Variants in ASAP2 observed in about 807,000 individuals in gnomAD.
ASAP2 encodes arf-GAP with SH3 domain, ANK repeat and PH domain-containing protein 2.
Under a neutral mutation model 131.4 loss-of-function variants are expected in ASAP2, and 45 were observed. The observed-to-expected ratio is 0.34, with a 90% CI of 0.27 to 0.44. ASAP2 has a LOEUF of 0.44. Ranked by LOEUF, ASAP2 falls within the 20% of genes least tolerant of loss-of-function variation. The pLI, the probability that ASAP2 is intolerant of heterozygous loss-of-function variation, is 1.00. For synonymous variants in ASAP2, 510 were observed against 503.0 expected, an observed-to-expected ratio of 1.01 and a Z score of -0.19; for missense variants, 1,011 against 1,297.0, an observed-to-expected ratio of 0.78 and a Z score of 3.39.
At chr2:9,380,542 T>C (rs191100826) in intron 19 of ASAP2, among the ~76,000 whole-genome samples, 199 bp from the exon 20 acceptor site, 4 of 152,228 alleles carry the variant, frequency 2.6e-5, no homozygotes, top group African/African-American at 7.2e-5. Context: ...TTTAAAGTTT[T>C]ACCTTCTGTA....
At chr2:9,297,475 G>T in intron 3 of ASAP2, 30 bp downstream of exon 3, 2 of 1,611,400 alleles carry the variant, frequency 1.2e-6, no homozygotes, top group Non-Finnish European at 1.7e-6. Flanking sequence ...AAATGCTGCG[G>T]TTACTTCAGT....
At position 9,374,745 on chromosome 2, in the gene ASAP2, T is replaced by C. The variant is rs977090625; in HGVS notation, c.1557-10T>C. 3 of 1,583,940 alleles carry C rather than the reference T, an allele frequency of 1.9e-6. No homozygotes were observed. The highest frequency in any genetic ancestry group is 2.6e-6 in the Non-Finnish European group (3 of 1,165,216). ...TTCATGATTTGCAAGGCAATTACGT[T>C]TGGTTTCAGGAATGCAAGAAAGGAC... is the stretch of plus-strand genomic sequence containing the variant. On this transcript the variant is annotated splice_polypyrimidine_tract_variant and intron_variant, in intron 16 of 27. Transcript: ENST00000281419.
intron 1 of ASAP2, among the ~76,000 whole-genome samples, chr2:9,258,304 C>A (rs1428736345): frequency 1.4e-5 from 2 of 143,240 alleles, no homozygotes; most frequent in African/African-American, 2.6e-5. Context: ...GAAATAAATG[C>A]TATTCACAGT....
chr2:9,366,153 C>T (rs1379002821), intron 15 of ASAP2, among the ~76,000 whole-genome samples: 3 of 152,066 alleles, frequency 2.0e-5, no homozygotes, highest in African/African-American at 4.8e-5. Context: ...TGGGCTGAAA[C>T]GTAAACTGGA....
At chr2:9,381,278 C>G (rs560182921) in intron 20 of ASAP2, among the ~76,000 whole-genome samples, 27 of 152,360 alleles carry the variant, frequency 1.8e-4, no homozygotes, top group African/African-American at 6.5e-4. Context: ...CCCACCAGGC[C>G]AGGCAGCCCT....
At position 9,217,837 on chromosome 2, in the gene ASAP2, A is replaced by C. The variant is rs1260931722; in HGVS notation, c.126+10607A>C. Among the ~76,000 whole-genome samples the C allele has an allele frequency of 6.7e-6, 1 of 149,932 alleles. No homozygotes were observed. The highest frequency in any genetic ancestry group is 1.5e-5 in the Non-Finnish European group (1 of 67,752). On this transcript the variant is annotated intron_variant, in intron 1 of 27. Coordinates refer to ENST00000281419, the MANE Select transcript of ASAP2 (RefSeq NM_003887.3). The surrounding 1 kb of genome is among the most constrained non-coding windows in gnomAD (Gnocchi z 4.0). ...CACTGTGTTAGCCAGGATGGTCTTGATCTCCTGACCTCGTGAGGCACCCAC... is the reference window on the plus strand; with the variant it reads ...CACTGTGTTAGCCAGGATGGTCTTGCTCTCCTGACCTCGTGAGGCACCCAC...
In ASAP2 at chr2:9,290,756, C is replaced by T. The variant is rs1469265708; in HGVS notation, c.200-6544C>T. ...TGAGCGCTGGGTCTGAGGCCCACTG[C>T]GACTTGGAACACAGCTCTGCCTCTT... is the stretch of plus-strand genomic sequence containing the variant. On this transcript the variant is annotated intron_variant, in intron 2 of 27. Transcript: ENST00000281419. Among the ~76,000 whole-genome samples the T allele has an allele frequency of 3.3e-5, 5 of 152,164 alleles. 1 individual carries two copies. Among genetic ancestry groups the T allele is most frequent in the South Asian group, 2.1e-4 (1 of 4,828 alleles).
intron 21 of ASAP2, among the ~76,000 whole-genome samples, chr2:9,386,550 A>G (rs144827364): frequency 1.5e-3 from 223 of 152,362 alleles, no homozygotes; most frequent in African/African-American, 5.1e-3. Flanking sequence ...CACGCTGCTC[A>G]CCTGATTCTC....
At chr2:9,396,860 G>A (rs1223361548) in intron 24 of ASAP2, among the ~76,000 whole-genome samples, 1 of 152,092 alleles carries the variant, frequency 6.6e-6, no homozygotes, top group Non-Finnish European at 1.5e-5. Flanking sequence ...AAATTAGCCG[G>A]GCATGATGGC....
chr2:9,263,702 T>C (rs2148212782), intron 1 of ASAP2, among the ~76,000 whole-genome samples: 1 of 152,272 alleles, frequency 6.6e-6, no homozygotes, highest in South Asian at 2.1e-4. Context: ...TCGTTGTTCA[T>C]GCGTCGTTTT....
chr2:9,349,677 T>C (rs1459677453), intron 11 of ASAP2, among the ~76,000 whole-genome samples: 1 of 152,132 alleles, frequency 6.6e-6, no homozygotes, highest in Non-Finnish European at 1.5e-5. Context: ...TACAACCCTG[T>C]TTATCTGACT....
intron 1 of ASAP2, among the ~76,000 whole-genome samples, chr2:9,223,070 C>T (rs1196415572): frequency 1.3e-5 from 2 of 152,232 alleles, no homozygotes; most frequent in African/African-American, 4.8e-5. Context: ...GGCCTTCCTG[C>T]ATCTCTCAAG....
intron 27 of ASAP2, among the ~76,000 whole-genome samples, chr2:9,402,243 C>T (rs1676779653): frequency 6.6e-6 from 1 of 152,232 alleles, no homozygotes; most frequent in South Asian, 2.1e-4. Context: ...TCCAGAGGCG[C>T]TGTGAGCTCT....
chr2:9,352,480 G>A (rs1199569642), intron 12 of ASAP2, among the ~76,000 whole-genome samples: 4 of 152,224 alleles, frequency 2.6e-5, no homozygotes, highest in Non-Finnish European at 5.9e-5. Context: ...GGTGGGTGTA[G>A]GGACTTCTTC....
intron 9 of ASAP2, 68 bp from the exon 10 acceptor site, chr2:9,344,464 T>G: frequency 1.5e-6 from 2 of 1,351,188 alleles, no homozygotes; most frequent in Non-Finnish European, 1.0e-6. Flanking sequence ...TAAGTTTCCT[T>G]TGTGTACTGC....
At chr2:9,234,382 G>A (rs1033914826) in intron 1 of ASAP2, among the ~76,000 whole-genome samples, 3 of 152,150 alleles carry the variant, frequency 2.0e-5, no homozygotes, top group Admixed American at 6.5e-5. Flanking sequence ...AGAGCCTGTC[G>A]CATGGCTGGG....
intron 12 of ASAP2, among the ~76,000 whole-genome samples, chr2:9,354,647 A>G (rs74440525): frequency 6.8e-6 from 1 of 147,884 alleles, no homozygotes; most frequent in African/African-American, 2.5e-5. Context: ...CTCCGTCTCA[A>G]AAAAAAAAAA....
chr2:9,374,699 C>T, intron 16 of ASAP2, 56 bp from the exon 17 acceptor site: 4 of 1,500,746 alleles, frequency 2.7e-6, no homozygotes, highest in Non-Finnish European at 3.6e-6. Flanking sequence ...CAAAGGGAGG[C>T]CGGACGGCGG....
At chr2:9,355,718 A>G (rs1672656294) in intron 12 of ASAP2, among the ~76,000 whole-genome samples, 1 of 152,146 alleles carries the variant, frequency 6.6e-6, no homozygotes, top group South Asian at 2.1e-4. Context: ...GGGCTTGAAC[A>G]ATTACTTTTT....
Sources: allele counts gnomAD v4.1 joint callset (sites outside exome capture counted in the v4.1 genomes callset), GRCh38; gene constraint gnomAD v4.1.1; non-coding constraint Gnocchi (gnomAD v3.1); transcripts MANE v1.5; gene names NCBI Gene and HGNC (gene_info 2026-07-23, HGNC 2026-07-21).